Variants in AFG2A observed in about 807,000 individuals in gnomAD.
AFG2A encodes AAA ATPase AFG2A, also known as ATPase family gene 2 protein homolog A.
chr4:123,084,229 AT>A, the AFG2A span, among the ~76,000 whole-genome samples: 3,994 of 151,884 alleles, frequency 0.026, 162 homozygotes, highest in African/African-American at 0.089. Flanking sequence ...AGGCTTATTG[AT>A]TTTATTGATT....
At chr4:123,280,982 G>C in the AFG2A span, among the ~76,000 whole-genome samples, 5 of 151,810 alleles carry the variant, frequency 3.3e-5, no homozygotes. Flanking sequence ...TAAATTTTCA[G>C]ATATTACCAT....
chr4:123,069,178 C>G, the AFG2A span, among the ~76,000 whole-genome samples: 10 of 152,110 alleles, frequency 6.6e-5, no homozygotes, highest in Admixed American at 1.3e-4. Flanking sequence ...TGAGCATTAT[C>G]CATTTTAGGC....
the AFG2A span, among the ~76,000 whole-genome samples, chr4:122,927,292 A>G: frequency 6.6e-6 from 1 of 152,346 alleles, no homozygotes; most frequent in Non-Finnish European, 1.5e-5. Context: ...TCCTTTGAAT[A>G]CTAGTAGCTG....
the AFG2A span, among the ~76,000 whole-genome samples, chr4:123,126,350 A>G: frequency 1.3e-5 from 2 of 152,080 alleles, no homozygotes; most frequent in South Asian, 4.1e-4. Flanking sequence ...GGCTCTACAA[A>G]TCTTTTTTCT....
the AFG2A span, among the ~76,000 whole-genome samples, chr4:123,148,818 G>T: frequency 6.7e-6 from 1 of 150,186 alleles, no homozygotes; most frequent in African/African-American, 2.5e-5. Flanking sequence ...GACCAGGCTG[G>T]AGTGCAGTGG....
chr4:122,982,534 A>G, the AFG2A span, among the ~76,000 whole-genome samples: 25 of 152,242 alleles, frequency 1.6e-4, no homozygotes, highest in Admixed American at 5.9e-4. Context: ...CTTCCTCTTC[A>G]GTTTATTGGA....
At chr4:123,134,595 A>ATT in the AFG2A span, among the ~76,000 whole-genome samples, 2,081 of 132,650 alleles carry the variant, frequency 0.016, 43 homozygotes, top group East Asian at 0.033. Context: ...GAATTTTAGG[A>ATT]TTTTTTTTTT....
the AFG2A span, among the ~76,000 whole-genome samples, chr4:122,957,094 G>A: frequency 6.6e-6 from 1 of 151,978 alleles, no homozygotes; most frequent in Non-Finnish European, 1.5e-5. Flanking sequence ...TTCCCTGGAC[G>A]TAAGGGAGAA....
chr4:122,935,611 G>T, the AFG2A span: 7 of 1,338,754 alleles, frequency 5.2e-6, no homozygotes, highest in African/African-American at 2.9e-5. Flanking sequence ...TTTTTGTGAC[G>T]CAAGGTAAAG....
chr4:123,277,909 A>G, the AFG2A span, among the ~76,000 whole-genome samples: 1 of 152,160 alleles, frequency 6.6e-6, no homozygotes, highest in Non-Finnish European at 1.5e-5. Context: ...ATCGATGTCT[A>G]TCAAGTATAT....
At chr4:122,929,223 T>C in the AFG2A span, 2 of 1,545,938 alleles carry the variant, frequency 1.3e-6, no homozygotes, top group Non-Finnish European at 1.7e-6. Context: ...TTGGTGACTA[T>C]CTGGATCAAA....
chr4:123,088,333 G>A, the AFG2A span, among the ~76,000 whole-genome samples: 2 of 151,984 alleles, frequency 1.3e-5, no homozygotes, highest in Non-Finnish European at 2.9e-5. Flanking sequence ...AGTTTTTTCT[G>A]GTATAGAATC....
the AFG2A span, among the ~76,000 whole-genome samples, chr4:123,152,134 G>T: frequency 2.0e-5 from 3 of 151,980 alleles, no homozygotes; most frequent in Admixed American, 2.0e-4. Flanking sequence ...TTGGGGGATG[G>T]GGGTGGGAAA....
chr4:123,190,905 C>G, the AFG2A span, among the ~76,000 whole-genome samples: 2 of 152,118 alleles, frequency 1.3e-5, no homozygotes, highest in Admixed American at 6.5e-5. Flanking sequence ...CAGAGGGGCT[C>G]CATCTATTTG....
the AFG2A span, among the ~76,000 whole-genome samples, chr4:123,235,022 A>G: frequency 2.0e-5 from 3 of 152,210 alleles, no homozygotes; most frequent in East Asian, 1.9e-4. Flanking sequence ...TACATTTCAC[A>G]TGCACATATT....
chr4:123,156,914 A>T, the AFG2A span, among the ~76,000 whole-genome samples: 1 of 152,114 alleles, frequency 6.6e-6, no homozygotes, highest in Non-Finnish European at 1.5e-5. Context: ...TATTACCAGA[A>T]ATCCTAACCT....
chr4:123,167,555 G>A, the AFG2A span, among the ~76,000 whole-genome samples: 5 of 152,156 alleles, frequency 3.3e-5, no homozygotes, highest in Middle Eastern at 0.017. Flanking sequence ...CACCATGTTA[G>A]CCAGGATGGT....
the AFG2A span, among the ~76,000 whole-genome samples, chr4:123,278,241 G>A: frequency 6.6e-6 from 1 of 152,098 alleles, no homozygotes; most frequent in Non-Finnish European, 1.5e-5. Context: ...CTTCTAGTTT[G>A]TATGCATAGA....
chr4:123,242,258 A>G, the AFG2A span, among the ~76,000 whole-genome samples: 1 of 152,218 alleles, frequency 6.6e-6, no homozygotes, highest in Non-Finnish European at 1.5e-5. Flanking sequence ...GGAAAAAACT[A>G]CTTTAAAATT....
Sources: allele counts gnomAD v4.1 joint callset (sites outside exome capture counted in the v4.1 genomes callset), GRCh38; gene constraint gnomAD v4.1.1; transcripts MANE v1.5; gene names NCBI Gene and HGNC (gene_info 2026-07-23, HGNC 2026-07-21).